Variants in BPHL observed in about 807,000 individuals in gnomAD.
BPHL encodes the protein serine hydrolase BPHL.
In BPHL, 27 loss-of-function variants were observed where a neutral mutation model predicts 31.2. The observed-to-expected ratio is 0.87, with a 90% CI of 0.64 to 1.19. The LOEUF (loss-of-function observed/expected upper bound fraction) is 1.19. Ranked by LOEUF, BPHL falls within the 50% of genes most tolerant of loss-of-function variation. The pLI, the probability that BPHL is intolerant of heterozygous loss-of-function variation, is 0.00. For synonymous variants in BPHL, 150 were observed against 146.8 expected (o/e 1.02, Z -0.16); for missense variants, 356 against 375.7 (o/e 0.95, Z 0.43).
intron 4 of BPHL, among the ~76,000 whole-genome samples, chr6:3,136,647 G>A (rs1221312824): frequency 6.6e-6 from 1 of 152,208 alleles, no homozygotes; most frequent in Non-Finnish European, 1.5e-5. Flanking sequence ...TTTCTTCCAT[G>A]TGTAACGTGT....
chr6:3,119,182 C>T (rs761994666), intron 1 of BPHL: 3 of 1,097,970 alleles, frequency 2.7e-6, no homozygotes, highest in African/African-American at 1.6e-5. Context: ...TCACCCGTGA[C>T]GGAGCACGGA....
rs566174204 is a variant in BPHL, at chr6:3,149,515, G to A, written c.789-2973G>A. Among the ~76,000 whole-genome samples the A allele has an allele frequency of 6.4e-4, 98 of 152,192 alleles. No homozygotes were observed. The highest frequency in any genetic ancestry group is 2.3e-3 in the African/African-American group (95 of 41,512). ...AAATGGAGCTGCTCAGTGAGCTGTC[G>A]CCCCCACCATCCCCAAATGCCTGGT... On this transcript the variant is annotated intron_variant, in intron 6 of 6. Coordinates refer to ENST00000380379, the MANE Select transcript of BPHL (RefSeq NM_004332.4). The surrounding 1 kb of genome is among the most constrained non-coding windows in gnomAD (Gnocchi z 4.6).
At chr6:3,137,562 G>A (rs1762049280) in intron 5 of BPHL, 69 bp downstream of exon 5, 2 of 1,590,198 alleles carry the variant, frequency 1.3e-6, no homozygotes, top group South Asian at 1.1e-5. Context: ...CCAGTGTTCT[G>A]GAATTGCTCA....
At position 3,127,283 on chromosome 6, in the gene BPHL, A is replaced by T. The variant is rs147857429; in HGVS notation, c.253A>T (p.Asn85Tyr). The change falls in exon 3 of 7, where the codon AAT becomes TAT. Residue 85 changes from asparagine (N) to tyrosine (Y), a missense_variant. Asn to Tyr is a moderately radical substitution (Grantham distance 143, BLOSUM62 -2). Coordinates refer to ENST00000380379, the MANE Select transcript of BPHL (RefSeq NM_004332.4). ...TDFGPQLKNL[N>Y]KKLFTVVAWD... ...TTTTGGACCTCAGCTCAAGAACCTC[A>T]ATAAGAAGCTCTTCACGGTGGTCGC... is the stretch of plus-strand genomic sequence containing the variant. The T allele has an allele frequency of 9.5e-5, 152 of 1,593,224 alleles. No individual in the cohort carries two copies. In the African/African-American group the frequency reaches 1.8e-3, roughly 19 times the overall value.
chr6:3,137,245 T>C (rs1477102554), intron 4 of BPHL, 117 bp from the exon 5 acceptor site: 25 of 1,341,758 alleles, frequency 1.9e-5, no homozygotes, highest in Non-Finnish European at 2.5e-5. Context: ...AGGGAGGCAT[T>C]CCAGGCAGAC....
At chr6:3,123,194 T>G (rs1335512004) in intron 1 of BPHL, among the ~76,000 whole-genome samples, 1 of 152,168 alleles carries the variant, frequency 6.6e-6, no homozygotes, top group African/African-American at 2.4e-5. Flanking sequence ...CTCATGTCAC[T>G]GTTCAGAATT....
chr6:3,119,758 G>C (rs1488876981), intron 1 of BPHL, among the ~76,000 whole-genome samples: 1 of 152,172 alleles, frequency 6.6e-6, no homozygotes. Flanking sequence ...GGTACACAGC[G>C]TTTAGAACTG....
At chr6:3,143,795 T>C (rs1207727350) in intron 6 of BPHL, among the ~76,000 whole-genome samples, 1 of 152,238 alleles carries the variant, frequency 6.6e-6, no homozygotes, top group South Asian at 2.1e-4. Flanking sequence ...AGGGGTGCAA[T>C]TCAGCCCATC....
At chr6:3,151,206 C>A (rs1220783559) in intron 6 of BPHL, among the ~76,000 whole-genome samples, 7 of 152,124 alleles carry the variant, frequency 4.6e-5, no homozygotes. Flanking sequence ...CTCGCAGCAT[C>A]CTTGGCAATT....
chr6:3,151,931 C>T (rs1441468813), intron 6 of BPHL, among the ~76,000 whole-genome samples: 2 of 152,146 alleles, frequency 1.3e-5, no homozygotes, highest in African/African-American at 2.4e-5. Flanking sequence ...ATTTGTCTGG[C>T]GGCTTGTATT....
chr6:3,136,758 C>T (rs1416448411), intron 4 of BPHL, among the ~76,000 whole-genome samples: 1 of 152,182 alleles, frequency 6.6e-6, no homozygotes, highest in African/African-American at 2.4e-5. Context: ...TAAGGAATTG[C>T]ATTTGTTGAT....
chr6:3,119,465 G>T (rs1377816489), intron 1 of BPHL: 1 of 1,613,824 alleles, frequency 6.2e-7, no homozygotes. Flanking sequence ...AGATGCCCAG[G>T]AATCTGCTTT....
chr6:3,143,746 CTG>C lies in BPHL; in HGVS notation c.788+3238_788+3239del, dbSNP rs1226991882. Among the ~76,000 whole-genome samples the C allele has an allele frequency of 4.6e-5, 7 of 152,388 alleles. No homozygotes were observed. In the East Asian group the frequency reaches 1.3e-3, roughly 29 times the overall value. The stretch of plus-strand genomic sequence containing the variant: ...CACTCTACCCAAAGGAGGTCACACT[CTG>C]AGATGCTGGGGGTCAGGATCTAAGC... On this transcript the variant is annotated intron_variant, in intron 6 of 6. Coordinates refer to ENST00000380379, the MANE Select transcript of BPHL (RefSeq NM_004332.4).
intron 4 of BPHL, among the ~76,000 whole-genome samples, chr6:3,135,317 T>C (rs1403302381): frequency 6.6e-6 from 1 of 152,220 alleles, no homozygotes; most frequent in Non-Finnish European, 1.5e-5. Flanking sequence ...AATCATTGTC[T>C]CCCCCATTCT....
At chr6:3,124,829 A>G (rs1225196441) in intron 2 of BPHL, among the ~76,000 whole-genome samples, 1 of 152,180 alleles carries the variant, frequency 6.6e-6, no homozygotes, top group East Asian at 1.9e-4. Context: ...GTGAAGTGCT[A>G]AAAAGGTTCC....
intron 5 of BPHL, among the ~76,000 whole-genome samples, chr6:3,137,791 A>G (rs1028752005): frequency 6.6e-6 from 1 of 152,206 alleles, no homozygotes; most frequent in Non-Finnish European, 1.5e-5. Flanking sequence ...ATAATTATCC[A>G]GAAGCCTTAA....
At chr6:3,131,913 C>G (rs1294039176) in intron 4 of BPHL, among the ~76,000 whole-genome samples, 1 of 152,190 alleles carries the variant, frequency 6.6e-6, no homozygotes, top group Non-Finnish European at 1.5e-5. Context: ...GGTGCTCTCC[C>G]TCCTGGACCC....
chr6:3,128,249 T>C (rs1322005480), intron 3 of BPHL, among the ~76,000 whole-genome samples: 1 of 152,152 alleles, frequency 6.6e-6, no homozygotes, highest in Admixed American at 6.5e-5. Context: ...CTATAAACAG[T>C]ATTGTTGTGG....
intron 4 of BPHL, 92 bp from the exon 5 acceptor site, chr6:3,137,270 A>T (rs1331719457): frequency 1.4e-6 from 2 of 1,475,902 alleles, no homozygotes; most frequent in Non-Finnish European, 1.8e-6. Context: ...CAGTGAGCGC[A>T]TGGGCTCAGA....
Sources: allele counts gnomAD v4.1 joint callset (sites outside exome capture counted in the v4.1 genomes callset), GRCh38; gene constraint gnomAD v4.1.1; non-coding constraint Gnocchi (gnomAD v3.1); transcripts MANE v1.5; gene names NCBI Gene and HGNC (gene_info 2026-07-23, HGNC 2026-07-21).